Variants in KCNT1 observed in about 807,000 individuals in gnomAD.
KCNT1 encodes the protein potassium sodium-activated channel subfamily T member 1, also known as potassium channel subfamily T member 1.
In KCNT1, 78 loss-of-function variants were observed where a neutral mutation model predicts 147.8. The ratio of observed to expected loss-of-function variants is 0.53; its 90% CI spans 0.44 to 0.64. The LOEUF (loss-of-function observed/expected upper bound fraction) is 0.64, where lower values mean the gene tolerates loss of function less well. KCNT1 is among the 30% of genes least tolerant of loss of function. The pLI is 0.00. For missense variants in KCNT1, 1,419 were observed against 1,750.3 expected, an observed-to-expected ratio of 0.81 and a Z score of 3.38; for synonymous variants, 867 against 748.8, an observed-to-expected ratio of 1.16 and a Z score of -2.58.
intron 2 of KCNT1, among the ~76,000 whole-genome samples, chr9:135,716,252 G>A (rs1200267007): frequency 6.6e-6 from 1 of 152,184 alleles, no homozygotes; most frequent in Non-Finnish European, 1.5e-5. Context: ...GTGTCCATCC[G>A]CCTAATGGTG....
chr9:135,710,046 T>G (rs188017317), intron 1 of KCNT1, among the ~76,000 whole-genome samples: 14 of 152,368 alleles, frequency 9.2e-5, no homozygotes, highest in African/African-American at 3.4e-4. Flanking sequence ...TTCTGATGAT[T>G]ATTCTGTTGC....
chr9:135,702,482 A>C (rs1835073284), intron 1 of KCNT1, 114 bp downstream of exon 1: 2 of 889,502 alleles, frequency 2.2e-6, no homozygotes, highest in South Asian at 2.9e-5. Context: ...GGGCCATCCA[A>C]CTTCCCCAGG....
intron 6 of KCNT1, among the ~76,000 whole-genome samples, chr9:135,755,841 T>C (rs1010936134): frequency 7.1e-6 from 1 of 140,362 alleles, no homozygotes; most frequent in Non-Finnish European, 1.5e-5. Context: ...CAGTAAATGC[T>C]GAGGACAAAC....
At chr9:135,778,327 TG>T in intron 21 of KCNT1, 96 bp from the exon 22 acceptor site, 1 of 1,137,580 alleles carries the variant, frequency 8.8e-7, no homozygotes, top group Non-Finnish European at 1.3e-6. Flanking sequence ...AACCCCTGCC[TG>T]GCCCAGCTCT....
chr9:135,737,178 A>G (rs998951864), intron 2 of KCNT1, among the ~76,000 whole-genome samples: 1 of 152,238 alleles, frequency 6.6e-6, no homozygotes, highest in Non-Finnish European at 1.5e-5. Context: ...GAGGTGAGTG[A>G]GGCCGAAGCC....
chr9:135,791,185 A>G (rs1834487336), intron 29 of KCNT1: 1 of 153,286 alleles, frequency 6.5e-6, no homozygotes, highest in South Asian at 2.1e-4. Flanking sequence ...GCCCGGGGAC[A>G]GCGGCAGCTG....
chr9:135,742,759 T>G (rs776176767), intron 2 of KCNT1: 2 of 717,418 alleles, frequency 2.8e-6, no homozygotes, highest in South Asian at 3.0e-5. Context: ...TTGATGCCCC[T>G]CTGTGTCCCC....
At chr9:135,741,895 C>T (rs1279686006) in intron 2 of KCNT1, among the ~76,000 whole-genome samples, 1 of 152,236 alleles carries the variant, frequency 6.6e-6, no homozygotes, top group Non-Finnish European at 1.5e-5. Flanking sequence ...GGCACATAGT[C>T]AGTGAAGGCA....
intron 2 of KCNT1, among the ~76,000 whole-genome samples, chr9:135,727,516 G>T (rs940596881): frequency 2.0e-5 from 3 of 151,596 alleles, no homozygotes; most frequent in Non-Finnish European, 4.4e-5. Flanking sequence ...CCTCCACAGT[G>T]ATTAGTCAAG....
intron 25 of KCNT1, 50 bp from the exon 26 acceptor site, chr9:135,784,484 TC>T (rs1351800193): frequency 1.6e-4 from 9 of 57,716 alleles, no homozygotes; most frequent in Non-Finnish European, 2.4e-4. Flanking sequence ...TCACTGTGGC[TC>T]CCTCCCTCCC....
At chr9:135,774,267 CTGTTGTGTGTGTGGTG>C (rs1174468237) in intron 19 of KCNT1, among the ~76,000 whole-genome samples, 6 of 108,750 alleles carry the variant, frequency 5.5e-5, no homozygotes, top group Non-Finnish European at 1.1e-4. Flanking sequence ...TGTGTGGTGT[CTGTTGTGTGTGTGGTG>C]TGTTGTGTGT....
chr9:135,770,081 C>T lies in KCNT1; in HGVS notation c.1619+26C>T, dbSNP rs963113939. Reference sequence around the variant, plus strand: ...GTGAGTGCCCCGTGCCCCGGGGGACCGACCTCCATGGCGGGGCCGGCGCAG... The same window carrying T: ...GTGAGTGCCCCGTGCCCCGGGGGACTGACCTCCATGGCGGGGCCGGCGCAG... On this transcript the variant is annotated intron_variant, in intron 16 of 30. Coordinates refer to ENST00000371757, the MANE Select transcript of KCNT1 (RefSeq NM_020822.3). The T allele has an allele frequency of 7.8e-6, 12 of 1,529,642 alleles. No homozygotes were observed. In the African/African-American group the frequency reaches 8.3e-5, roughly 11 times the overall value. 94.8% of individuals were successfully genotyped at this position (1,529,642 alleles called of 1,614,324 possible). A position where few individuals can be genotyped will look rare whatever the true frequency, so the allele number is the denominator to read the frequency against.
At chr9:135,732,038 AGAGG>A (rs1260822063) in intron 2 of KCNT1, among the ~76,000 whole-genome samples, 4 of 137,612 alleles carry the variant, frequency 2.9e-5, no homozygotes, top group South Asian at 2.5e-4. Context: ...AGAGAGAGAG[AGAGG>A]GAGTCTCACT....
In KCNT1 at chr9:135,772,936, C is replaced by T. The variant is rs778897238; in HGVS notation, c.2230C>T (p.Leu744Phe). The change falls in exon 19 of 31, where the codon CTC becomes TTC. Residue 744 changes from leucine (L) to phenylalanine (F), a missense_variant. Physicochemically the swap from Leu to Phe is conservative, Grantham distance 22. Around this residue, in one of 5 missense-constraint regions of KCNT1, gnomAD observed 284 missense variants for 292.8 expected, o/e 0.97. Coordinates refer to ENST00000371757, the MANE Select transcript of KCNT1 (RefSeq NM_020822.3). The part of the protein sequence containing the change: ...DEVTPSDDEG[L>F]SVVEYVKGYP... The stretch of plus-strand genomic sequence containing the variant: ...GGTGACGCCGTCGGACGACGAGGGG[C>T]TCTCCGTGGTAGAGTGAGTGCTGCC... The T allele has an allele frequency of 2.1e-5, 32 of 1,508,164 alleles. No individual in the cohort carries two copies. The highest frequency in any genetic ancestry group is 2.8e-5 in the African/African-American group (2 of 72,094). The allele number at this position is 1,508,164 out of a possible 1,614,324, so 93.4% of individuals were successfully genotyped here.
intron 13 of KCNT1, among the ~76,000 whole-genome samples, chr9:135,768,182 C>G (rs1052072809): frequency 2.2e-5 from 3 of 138,490 alleles, no homozygotes; most frequent in East Asian, 4.7e-4. Context: ...GGAGTCCTGA[C>G]CCGGCTCAGA....
chr9:135,771,167 G>C (rs1832733719), intron 18 of KCNT1, 72 bp downstream of exon 18: 2 of 1,381,608 alleles, frequency 1.4e-6, no homozygotes, highest in South Asian at 2.6e-5. Context: ...GACACCGGCA[G>C]GTGACCAGGT....
chr9:135,732,807 C>G (rs1421061160), intron 2 of KCNT1, among the ~76,000 whole-genome samples: 3 of 151,310 alleles, frequency 2.0e-5, no homozygotes, highest in Non-Finnish European at 4.4e-5. Context: ...TTTCTCCCTT[C>G]CTTCCTTTCC....
At chr9:135,750,851 A>C in intron 3 of KCNT1, 91 bp from the exon 4 acceptor site, 1 of 1,185,988 alleles carries the variant, frequency 8.4e-7, no homozygotes, top group African/African-American at 1.5e-5. Context: ...AGCTGGGGCC[A>C]TCCAGAGAGC....
chr9:135,721,721 T>C (rs892277710), intron 2 of KCNT1, among the ~76,000 whole-genome samples: 2 of 152,176 alleles, frequency 1.3e-5, no homozygotes, highest in African/African-American at 4.8e-5. Context: ...GTGTCCTGAG[T>C]GAGTGAAATG....
Sources: gnomAD v4.1 joint callset for allele counts (sites outside exome capture counted in the v4.1 genomes callset) on GRCh38, gnomAD v4.1.1 for gene constraint, gnomAD v4.1.1 regional missense constraint, MANE v1.5 for transcripts, NCBI Gene and HGNC (gene_info 2026-07-23, HGNC 2026-07-21) for gene names.